The following ZC3H13 variants were observed in gnomAD, a reference collection of about 807,000 sequenced individuals.
ZC3H13 encodes zinc finger CCCH-type containing 13.
A neutral mutation model predicts 204.1 loss-of-function variants in ZC3H13; 64 were observed. That is an observed-to-expected ratio of 0.31 (90% CI 0.26 to 0.39). ZC3H13 has a LOEUF of 0.39. ZC3H13 is among the 10% of genes least tolerant of loss of function. The probability of loss-of-function intolerance (pLI) is 1.00; values close to 1 mark genes in which losing one functional copy is unlikely to be tolerated. For missense variants in ZC3H13, 1,833 were observed against 2,082.7 expected (o/e 0.88, Z 2.33); for synonymous variants, 667 against 693.7 (o/e 0.96, Z 0.60).
intron 7 of ZC3H13, among the ~76,000 whole-genome samples, chr13:46,007,687 G>C (rs1356171116): frequency 6.6e-6 from 1 of 152,122 alleles, no homozygotes; most frequent in African/African-American, 2.4e-5. Context: ...AACTGGTTTT[G>C]TGTATTCTGA....
At chr13:45,963,329 G>T in intron 17 of ZC3H13, 1 of 986,380 alleles carries the variant, frequency 1.0e-6, no homozygotes, top group Non-Finnish European at 1.2e-6. Flanking sequence ...AATTTCTTTA[G>T]ACATGAAAAA....
intron 17 of ZC3H13, chr13:45,963,097 T>C: frequency 2.0e-6 from 2 of 978,266 alleles, no homozygotes; most frequent in South Asian, 9.5e-5. Flanking sequence ...CTGTAATAAC[T>C]CATTTGCTCC....
Position 45,995,494 on chromosome 13 carries a change from G to A in ZC3H13, c.945-6397C>T, listed in dbSNP as rs140191023. ...ATTTCATTCTTAACACAAGCCTTTC[G>A]TAAGCTTAGTGTGCAATATAATCAT... On this transcript the variant is annotated intron_variant, in intron 8 of 18. Transcript: ENST00000679008. Among the ~76,000 whole-genome samples the A allele has an allele frequency of 4.8e-3, 733 of 152,190 alleles. 4 individuals carry two copies. The highest frequency in any genetic ancestry group is 0.016 in the African/African-American group (663 of 41,512).
chr13:46,029,296 G>T (rs190445484), intron 4 of ZC3H13, among the ~76,000 whole-genome samples: 4 of 152,064 alleles, frequency 2.6e-5, no homozygotes, highest in African/African-American at 9.7e-5. Flanking sequence ...TTTAAAAATT[G>T]AATCAATAAT....
At chr13:46,025,789 A>C (rs2042507607) in intron 4 of ZC3H13, among the ~76,000 whole-genome samples, 1 of 152,160 alleles carries the variant, frequency 6.6e-6, no homozygotes, top group Non-Finnish European at 1.5e-5. Context: ...GTGGTATCCC[A>C]AAATTATTAA....
intron 9 of ZC3H13, among the ~76,000 whole-genome samples, chr13:45,986,055 C>T (rs900201418): frequency 3.3e-5 from 5 of 152,182 alleles, no homozygotes; most frequent in African/African-American, 4.8e-5. Context: ...CTATCATTGA[C>T]GGCTTACTTT....
chr13:45,968,566 T>A (rs1385946680), intron 14 of ZC3H13, among the ~76,000 whole-genome samples, 182 bp downstream of exon 14: 1 of 152,152 alleles, frequency 6.6e-6, no homozygotes, highest in Non-Finnish European at 1.5e-5. Context: ...TCTATTATAA[T>A]GTTGGTATTA....
intron 8 of ZC3H13, among the ~76,000 whole-genome samples, chr13:45,994,872 C>T (rs1448287024): frequency 6.6e-6 from 1 of 152,128 alleles, no homozygotes; most frequent in Non-Finnish European, 1.5e-5. Flanking sequence ...CCCCAATCTG[C>T]ATTTCCCAGA....
chr13:45,970,109 G>A, intron 13 of ZC3H13, 138 bp from the exon 14 acceptor site: 3 of 1,114,982 alleles, frequency 2.7e-6, no homozygotes, highest in Middle Eastern at 5.4e-4. Flanking sequence ...ATGAGATCAA[G>A]AGATCAAGAT....
At chr13:46,025,185 T>C (rs749535305) in intron 4 of ZC3H13, among the ~76,000 whole-genome samples, 4 of 152,206 alleles carry the variant, frequency 2.6e-5, no homozygotes, top group Non-Finnish European at 4.4e-5. Context: ...AAGTAATAAT[T>C]CCATATTTAT....
intron 8 of ZC3H13, among the ~76,000 whole-genome samples, chr13:46,001,872 T>TA (rs2040770519): frequency 6.6e-6 from 1 of 151,706 alleles, no homozygotes; most frequent in African/African-American, 2.4e-5. Context: ...GAGTATAGTC[T>TA]AAGAAAACAT....
intron 8 of ZC3H13, among the ~76,000 whole-genome samples, chr13:46,000,414 T>C (rs1411456944): frequency 6.6e-6 from 1 of 152,246 alleles, no homozygotes; most frequent in Non-Finnish European, 1.5e-5. Context: ...TTTGTGCTGC[T>C]TCATCTTGCA....
chr13:46,004,754 C>G (rs568748053), intron 7 of ZC3H13, among the ~76,000 whole-genome samples: 4 of 152,206 alleles, frequency 2.6e-5, no homozygotes, highest in African/African-American at 9.6e-5. Context: ...ATTTCTCAAT[C>G]TTATTTAAGA....
At chr13:45,966,879 G>C (rs980656735) in intron 15 of ZC3H13, among the ~76,000 whole-genome samples, 1 of 152,144 alleles carries the variant, frequency 6.6e-6, no homozygotes. Flanking sequence ...GTACAAAGAA[G>C]GGCAGAGAAT....
intron 4 of ZC3H13, among the ~76,000 whole-genome samples, chr13:46,032,970 A>T (rs2042990438): frequency 6.6e-6 from 1 of 150,902 alleles, no homozygotes; most frequent in Admixed American, 6.6e-5. Flanking sequence ...ATTTGTGTGC[A>T]TATATATGTA....
intron 4 of ZC3H13, among the ~76,000 whole-genome samples, chr13:46,028,794 G>A (rs548025982): frequency 6.6e-6 from 1 of 152,198 alleles, no homozygotes; most frequent in South Asian, 2.1e-4. Flanking sequence ...TTTGTTGGAT[G>A]CAGTAAACAC....
In ZC3H13 at chr13:46,032,677, A is replaced by G. The variant is rs2042975283; in HGVS notation, c.339+9487T>C. Reference sequence around the variant, plus strand: ...ATTTCCCTAAGACACAGACACAAAAATGCAAAATAACAATTGCATATATTC... The same window carrying G: ...ATTTCCCTAAGACACAGACACAAAAGTGCAAAATAACAATTGCATATATTC... On this transcript the variant is annotated intron_variant, in intron 4 of 18. Transcript: ENST00000679008. Among the ~76,000 whole-genome samples, 5 of 152,312 alleles carry G rather than the reference A, an allele frequency of 3.3e-5. No individual in the cohort carries two copies. The South Asian group carries it at 1.0e-3, about 32-fold the overall frequency.
intron 4 of ZC3H13, among the ~76,000 whole-genome samples, chr13:46,028,299 C>A (rs2042666639): frequency 6.6e-6 from 1 of 152,054 alleles, no homozygotes; most frequent in Admixed American, 6.6e-5. Flanking sequence ...ATGTGTATGA[C>A]CCTACCATCA....
intron 5 of ZC3H13, among the ~76,000 whole-genome samples, chr13:46,019,116 A>G (rs1420999542): frequency 6.6e-6 from 1 of 152,170 alleles, no homozygotes; most frequent in Non-Finnish European, 1.5e-5. Flanking sequence ...CTGTCCAAAG[A>G]TGGAACAGGT....
Sources: allele counts gnomAD v4.1 joint callset (sites outside exome capture counted in the v4.1 genomes callset), GRCh38; gene constraint gnomAD v4.1.1; transcripts MANE v1.5; gene names NCBI Gene and HGNC (gene_info 2026-07-23, HGNC 2026-07-21).